ENTREP2: variants seen among roughly 807,000 people sequenced by gnomAD.
The protein encoded by ENTREP2 is endosomal transmembrane epsin interactor 2.
the ENTREP2 span, among the ~76,000 whole-genome samples, chr15:29,205,124 C>T: frequency 6.6e-6 from 1 of 152,318 alleles, no homozygotes; most frequent in South Asian, 2.1e-4. Context: ...CTTCAAGGTT[C>T]ATCCATGTGG....
the ENTREP2 span, among the ~76,000 whole-genome samples, chr15:29,581,203 A>C: frequency 6.6e-6 from 1 of 152,220 alleles, no homozygotes; most frequent in East Asian, 1.9e-4. Flanking sequence ...AGGAGGTTTC[A>C]GATTTGATTA....
At chr15:29,136,838 A>T in the ENTREP2 span, among the ~76,000 whole-genome samples, 7 of 152,066 alleles carry the variant, frequency 4.6e-5, no homozygotes, top group Non-Finnish European at 1.0e-4. Context: ...AGGCAGCAAC[A>T]CCTGTCTGCC....
At chr15:29,119,905 T>C in the ENTREP2 span, among the ~76,000 whole-genome samples, 1 of 152,164 alleles carries the variant, frequency 6.6e-6, no homozygotes, top group Non-Finnish European at 1.5e-5. Flanking sequence ...GCTGAGGACA[T>C]GCAGGCAGGA....
chr15:29,603,720 C>T, the ENTREP2 span, among the ~76,000 whole-genome samples: 2 of 152,132 alleles, frequency 1.3e-5, no homozygotes, highest in African/African-American at 4.8e-5. Context: ...CTCACTGCAA[C>T]CTCCGCCGCC....
the ENTREP2 span, among the ~76,000 whole-genome samples, chr15:29,290,446 G>C: frequency 6.6e-6 from 1 of 152,092 alleles, no homozygotes; most frequent in African/African-American, 2.4e-5. Flanking sequence ...ATACTCCCGA[G>C]GTTTTGAACG....
At chr15:29,126,275 C>T in the ENTREP2 span, 4 of 1,469,458 alleles carry the variant, frequency 2.7e-6, no homozygotes, top group Non-Finnish European at 3.6e-6. Context: ...ACCTGCCATG[C>T]TAGATGTGCA....
chr15:29,554,936 T>TA, the ENTREP2 span, among the ~76,000 whole-genome samples: 1 of 152,206 alleles, frequency 6.6e-6, no homozygotes, highest in African/African-American at 2.4e-5. Context: ...AAAAATGAGA[T>TA]ACACAAAAAT....
At chr15:29,190,922 C>G in the ENTREP2 span, among the ~76,000 whole-genome samples, 3 of 152,146 alleles carry the variant, frequency 2.0e-5, no homozygotes, top group East Asian at 5.8e-4. Context: ...TCCTTTGCTC[C>G]TTCTTTAGCT....
chr15:29,276,628 C>T, the ENTREP2 span, among the ~76,000 whole-genome samples: 5 of 152,190 alleles, frequency 3.3e-5, no homozygotes, highest in African/African-American at 9.7e-5. Flanking sequence ...TGCCTCAGGG[C>T]GAAGCCAACT....
the ENTREP2 span, among the ~76,000 whole-genome samples, chr15:29,523,566 T>G: frequency 2.8e-4 from 39 of 140,316 alleles, no homozygotes; most frequent in African/African-American, 1.0e-3. Context: ...GCTAGATTTT[T>G]TTTTTTTTTT....
At chr15:29,366,236 G>C in the ENTREP2 span, among the ~76,000 whole-genome samples, 1 of 152,008 alleles carries the variant, frequency 6.6e-6, no homozygotes, top group South Asian at 2.1e-4. Context: ...ACCAGGCCTG[G>C]CTAATTTTTT....
At chr15:29,146,837 A>G in the ENTREP2 span, among the ~76,000 whole-genome samples, 1 of 152,104 alleles carries the variant, frequency 6.6e-6, no homozygotes. Flanking sequence ...CGGGAGGCTG[A>G]GGCAGGAGAA....
At chr15:29,621,166 G>A in the ENTREP2 span, among the ~76,000 whole-genome samples, 1 of 152,024 alleles carries the variant, frequency 6.6e-6, no homozygotes, top group Non-Finnish European at 1.5e-5. Context: ...GAGGCAGGCG[G>A]ATCACAAGGT....
At chr15:29,485,876 G>A in the ENTREP2 span, among the ~76,000 whole-genome samples, 55 of 152,312 alleles carry the variant, frequency 3.6e-4, no homozygotes, top group Non-Finnish European at 5.1e-4. Context: ...AAATGCTGGT[G>A]AGGATGGAAA....
the ENTREP2 span, among the ~76,000 whole-genome samples, chr15:29,153,891 C>T: frequency 1.4e-3 from 211 of 152,338 alleles, 1 homozygote; most frequent in African/African-American, 4.4e-3. Context: ...ACTGCAGCCT[C>T]GACCTTCTGG....
chr15:29,311,191 C>T, the ENTREP2 span, among the ~76,000 whole-genome samples: 1 of 152,066 alleles, frequency 6.6e-6, no homozygotes, highest in Admixed American at 6.6e-5. Context: ...CAAACAAAGA[C>T]AATTTTTTAA....
At chr15:29,625,702 C>T in the ENTREP2 span, among the ~76,000 whole-genome samples, 916 of 152,024 alleles carry the variant, frequency 6.0e-3, 9 homozygotes, top group African/African-American at 0.021. Context: ...GTTGTACATG[C>T]CTAGTTTTTA....
chr15:29,664,674 T>C, the ENTREP2 span, among the ~76,000 whole-genome samples: 20 of 151,968 alleles, frequency 1.3e-4, no homozygotes, highest in African/African-American at 4.6e-4. Context: ...AAAATGTGGG[T>C]TTTGTGATAG....
the ENTREP2 span, among the ~76,000 whole-genome samples, chr15:29,474,112 T>C: frequency 1.3e-5 from 2 of 152,174 alleles, no homozygotes; most frequent in African/African-American, 2.4e-5. Context: ...CGACGGTTAC[T>C]AGGAGTGAGA....
Sources: gnomAD v4.1 joint callset for allele counts (sites outside exome capture counted in the v4.1 genomes callset) on GRCh38, gnomAD v4.1.1 for gene constraint, MANE v1.5 for transcripts, NCBI Gene and HGNC (gene_info 2026-07-23, HGNC 2026-07-21) for gene names.